Variants in PTK7 observed in about 807,000 individuals in gnomAD.
PTK7 encodes the protein inactive tyrosine-protein kinase 7.
Under a neutral mutation model 116.6 loss-of-function variants are expected in PTK7, and 39 were observed. The observed-to-expected ratio is 0.33, with a 90% CI of 0.26 to 0.44. The LOEUF (loss-of-function observed/expected upper bound fraction) is 0.44. PTK7 is among the 20% of genes least tolerant of loss of function. The pLI, the probability that PTK7 is intolerant of heterozygous loss-of-function variation, is 1.00. For missense variants in PTK7, 1,169 were observed against 1,425.6 expected (o/e 0.82, Z 2.90); for synonymous variants, 546 against 563.6 (o/e 0.97, Z 0.44).
intron 1 of PTK7, among the ~76,000 whole-genome samples, chr6:43,118,775 A>G (rs1410564202): frequency 7.7e-6 from 1 of 129,978 alleles, no homozygotes; most frequent in Non-Finnish European, 1.6e-5. Context: ...GTGTGTGTGT[A>G]TAATTTTTTT....
rs1409468434 is a variant in PTK7 at position 43,076,764 on chromosome 6, C to T, written c.79+197C>T. 4.3e-6 allele frequency: 6 copies of T among 1,396,504 alleles called. No homozygotes were observed. The African/African-American group carries it at 4.4e-5, about 10-fold the overall frequency. The allele number at this position is 1,396,504 out of a possible 1,614,324, so 86.5% of individuals were successfully genotyped here. A position where few individuals can be genotyped will look rare whatever the true frequency, so the allele number is the denominator to read the frequency against. On this transcript the variant is annotated intron_variant, in intron 1 of 19. Coordinates refer to ENST00000230419, the MANE Select transcript of PTK7 (RefSeq NM_002821.5). The surrounding 1 kb of genome is among the most constrained non-coding windows in gnomAD (Gnocchi z 5.7). ...GAGGCTGGCGAAGCCTCCAGGGACG[C>T]GGTCAGGGTACCCCTCCCACTCGCG...
intron 1 of PTK7, among the ~76,000 whole-genome samples, chr6:43,113,131 C>A (rs1392722484): frequency 2.0e-5 from 3 of 152,090 alleles, no homozygotes; most frequent in Admixed American, 6.6e-5. Context: ...TAGACAGATA[C>A]AAACAAGGTA....
chr6:43,142,359 T>G (rs773905329), intron 13 of PTK7, 60 bp downstream of exon 13: 44 of 1,611,428 alleles, frequency 2.7e-5, no homozygotes, highest in African/African-American at 4.0e-5. Context: ...TTTGTCACCT[T>G]GTACTCAGCC....
intron 7 of PTK7, 169 bp from the exon 8 acceptor site, chr6:43,138,680 A>T: frequency 1.1e-6 from 1 of 928,356 alleles, no homozygotes; most frequent in Non-Finnish European, 1.6e-6. Flanking sequence ...AAAAATTTTA[A>T]AAAAGGTGCT....
At position 43,139,383 on chromosome 6, in the gene PTK7, C is replaced by T. The variant is rs1162273181; in HGVS notation, c.1499-23C>T. ...CCAGCGGCCCCAATTCCTCGTCTTT[C>T]TACCCACCCTCTGCTGAAACAGAAA... is the stretch of plus-strand genomic sequence containing the variant. On this transcript the variant is annotated intron_variant, in intron 9 of 19. Transcript: ENST00000230419. The surrounding 1 kb of genome is among the most constrained non-coding windows in gnomAD (Gnocchi z 4.6). 6.2e-7 allele frequency: 1 copy of T among 1,614,060 alleles called. No homozygotes were observed. The highest frequency in any genetic ancestry group is 8.5e-7 in the Non-Finnish European group (1 of 1,180,012).
intron 1 of PTK7, among the ~76,000 whole-genome samples, chr6:43,080,867 G>A (rs1361410322): frequency 3.3e-5 from 5 of 152,122 alleles, no homozygotes; most frequent in Admixed American, 6.5e-5. Context: ...ACTTGAACCC[G>A]GGAGGTGGAG....
intron 1 of PTK7, among the ~76,000 whole-genome samples, chr6:43,094,392 G>C (rs1035933801): frequency 6.6e-6 from 1 of 152,058 alleles, no homozygotes; most frequent in Non-Finnish European, 1.5e-5. Flanking sequence ...TGATGGTGGG[G>C]TGGTTTGGTT....
In PTK7 at chr6:43,160,737, G is replaced by A; in HGVS notation, c.3069G>A (p.Lys1023=). ...DEVLADLQAG[K]ARLPQPEGCP... ...TCCCTACAGATTTGCAGGCTGGGAA[G>A]GCTAGACTTCCTCAGCCCGAGGGCT... The change falls in exon 20 of 20, where the codon AAG becomes AAA. Residue 1023 remains lysine (K), a synonymous_variant. Transcript: ENST00000230419. 2 of 1,614,180 alleles carry A rather than the reference G, an allele frequency of 1.2e-6. No individual in the cohort carries two copies. The highest frequency in any genetic ancestry group is 1.7e-6 in the Non-Finnish European group (2 of 1,180,026).
At chr6:43,090,017 T>G (rs1766861256) in intron 1 of PTK7, among the ~76,000 whole-genome samples, 1 of 152,206 alleles carries the variant, frequency 6.6e-6, no homozygotes, top group Non-Finnish European at 1.5e-5. Flanking sequence ...TGAAGGGCCT[T>G]TGAACATGGC....
chr6:43,156,725 A>C (rs1224201096), intron 17 of PTK7, among the ~76,000 whole-genome samples: 1 of 152,030 alleles, frequency 6.6e-6, no homozygotes, highest in Admixed American at 6.6e-5. Context: ...ATGAAACCCC[A>C]TCTCTACTGA....
intron 1 of PTK7, among the ~76,000 whole-genome samples, chr6:43,122,077 G>C (rs895188152): frequency 5.3e-5 from 8 of 152,220 alleles, no homozygotes; most frequent in African/African-American, 1.9e-4. Flanking sequence ...CGGAGGTTGA[G>C]GCTGCAGTGA....
chr6:43,148,907 A>T (rs1770884190), intron 17 of PTK7, among the ~76,000 whole-genome samples: 1 of 151,308 alleles, frequency 6.6e-6, no homozygotes, highest in African/African-American at 2.4e-5. Context: ...AAAAATACAA[A>T]AATTAGCCAG....
At chr6:43,082,373 T>C (rs1443086321) in intron 1 of PTK7, among the ~76,000 whole-genome samples, 2 of 152,128 alleles carry the variant, frequency 1.3e-5, no homozygotes, top group Non-Finnish European at 2.9e-5. Flanking sequence ...AGACAGGGTT[T>C]CACCATGTTG....
intron 13 of PTK7, chr6:43,142,501 C>CGG: frequency 4.9e-6 from 4 of 819,148 alleles, no homozygotes; most frequent in East Asian, 5.8e-5. Context: ...ATCCAACGGT[C>CGG]GGTGTGTGTG....
At chr6:43,077,634 A>G (rs1429715231) in intron 1 of PTK7, among the ~76,000 whole-genome samples, 1 of 152,058 alleles carries the variant, frequency 6.6e-6, no homozygotes, top group African/African-American at 2.4e-5. Flanking sequence ...ACCCTCCACA[A>G]CACTCCTTGG....
At chr6:43,100,138 C>T (rs1377584067) in intron 1 of PTK7, among the ~76,000 whole-genome samples, 1 of 152,104 alleles carries the variant, frequency 6.6e-6, no homozygotes, top group Non-Finnish European at 1.5e-5. Context: ...AATCCCAGTA[C>T]TTTGGGAGGC....
intron 18 of PTK7, chr6:43,159,579 T>G (rs1446131489): frequency 1.7e-6 from 1 of 590,902 alleles, no homozygotes. Flanking sequence ...TAATGGAAAT[T>G]TTTTAACCAT....
rs1406681752 is a variant in PTK7 at position 43,132,426 on chromosome 6, G to A, written c.967G>A (p.Glu323Lys). Residue 323 changes from glutamate to lysine, a missense_variant, in exon 7 of 20, where the codon GAA (glutamate) becomes AAA (lysine). Transcript: ENST00000230419. Reference protein sequence around the residue: ...LEATLHLAEIEDMPLFEPRVF... With the variant: ...LEATLHLAEIKDMPLFEPRVF... ...TCCTACTTATGTCCTTGCAGAGATT[G>A]AAGACATGCCGCTATTTGAGCCACG... 1.3e-6 allele frequency: 2 copies of A among 1,572,740 alleles called. No homozygotes were observed. The highest frequency in any genetic ancestry group is 1.7e-6 in the Non-Finnish European group (2 of 1,154,262).
chr6:43,095,295 C>A (rs1298891916), intron 1 of PTK7, among the ~76,000 whole-genome samples: 1 of 151,168 alleles, frequency 6.6e-6, no homozygotes, highest in East Asian at 2.0e-4. Flanking sequence ...TCGCTTGAAC[C>A]TGGGAGGCGG....
Sources: allele counts gnomAD v4.1 joint callset (sites outside exome capture counted in the v4.1 genomes callset), GRCh38; gene constraint gnomAD v4.1.1; non-coding constraint Gnocchi (gnomAD v3.1); transcripts MANE v1.5; gene names NCBI Gene and HGNC (gene_info 2026-07-23, HGNC 2026-07-21).